The following KIAA0825 variants were observed in gnomAD, a reference collection of about 807,000 sequenced individuals.
KIAA0825 encodes the protein KIAA0825.
In KIAA0825, 119 loss-of-function variants were observed where a neutral mutation model predicts 147.6. That is an observed-to-expected ratio of 0.81 (90% CI 0.69 to 0.94). The LOEUF is 0.94. KIAA0825 is among the 40% of genes least tolerant of loss of function. KIAA0825 has a pLI of 0.00. For synonymous variants in KIAA0825, 470 were observed against 518.1 expected (o/e 0.91, Z 1.26); for missense variants, 1,381 against 1,472.7 (o/e 0.94, Z 1.02).
Position 94,299,749 on chromosome 5 carries a change from T to C in KIAA0825, c.3710+84619A>G, listed in dbSNP as rs551978781. Reference sequence around the variant, plus strand: ...TTTTGGGAGCTTAAGTAAAAAGAGATAATTAATTTTTGAAATATGTTAGAG... The same window carrying C: ...TTTTGGGAGCTTAAGTAAAAAGAGACAATTAATTTTTGAAATATGTTAGAG... On this transcript the variant is annotated intron_variant, in intron 20 of 20. Transcript: ENST00000682413. Among the ~76,000 whole-genome samples, 6 of 152,248 alleles carry C rather than the reference T, an allele frequency of 3.9e-5. No homozygotes were observed. In the East Asian group the frequency reaches 7.7e-4, roughly 20 times the overall value.
At chr5:94,309,321 G>T (rs559047992) in intron 20 of KIAA0825, among the ~76,000 whole-genome samples, 5 of 151,658 alleles carry the variant, frequency 3.3e-5, no homozygotes, top group Non-Finnish European at 7.4e-5. Flanking sequence ...TACAGAGGAG[G>T]TGCTGTGAGA....
chr5:94,527,736 G>A lies in KIAA0825; in HGVS notation c.132-3638C>T, dbSNP rs747489590. Among the ~76,000 whole-genome samples the A allele has an allele frequency of 2.0e-5, 3 of 151,854 alleles. No individual in the cohort carries two copies. The East Asian group carries it at 5.8e-4, about 29-fold the overall frequency. On this transcript the variant is annotated intron_variant, in intron 3 of 20. Coordinates refer to ENST00000682413, the MANE Select transcript of KIAA0825 (RefSeq NM_001145678.3). ...CTGTTACATTTCTGTTCATTTCCGT[G>A]CTTTTTGTGTTCGAAAGGACAAAGA...
At chr5:94,255,049 ATT>A (rs1052265982) in intron 20 of KIAA0825, among the ~76,000 whole-genome samples, 1 of 151,054 alleles carries the variant, frequency 6.6e-6, no homozygotes, top group Admixed American at 6.6e-5. Flanking sequence ...GTTATTAATC[ATT>A]TTTTTTGCAT....
In KIAA0825 at chr5:94,538,732, G is replaced by A. The variant is rs75390698; in HGVS notation, c.-1-1605C>T. Among the ~76,000 whole-genome samples the A allele has an allele frequency of 2.1e-3, 320 of 152,310 alleles. 1 individual carries two copies. Among genetic ancestry groups the A allele is most frequent in the African/African-American group, 7.2e-3 (300 of 41,570 alleles). On this transcript the variant is annotated intron_variant, in intron 2 of 20. Coordinates refer to ENST00000682413, the MANE Select transcript of KIAA0825 (RefSeq NM_001145678.3). ...GCAGCTAGCAAGGATTTTCTCTACC[G>A]TTAAGAGGTTGTTTTATCCAAAAGG...
intron 2 of KIAA0825, among the ~76,000 whole-genome samples, chr5:94,560,490 T>C (rs1325372037): frequency 1.3e-5 from 2 of 152,210 alleles, no homozygotes. Flanking sequence ...TGCTTTTCTA[T>C]GGCCTGATAG....
intron 5 of KIAA0825, among the ~76,000 whole-genome samples, chr5:94,489,584 A>C (rs915724839): frequency 2.0e-5 from 3 of 151,854 alleles, no homozygotes; most frequent in East Asian, 1.9e-4. Flanking sequence ...AAAAAAAAAA[A>C]AAACAAACTC....
chr5:94,424,099 T>C (rs1265378842), intron 14 of KIAA0825, among the ~76,000 whole-genome samples: 1 of 152,196 alleles, frequency 6.6e-6, no homozygotes, highest in East Asian at 1.9e-4. Flanking sequence ...CCCCAGTTTA[T>C]TGCCATTAGA....
At chr5:94,292,881 T>G (rs2150169077) in intron 20 of KIAA0825, among the ~76,000 whole-genome samples, 1 of 152,338 alleles carries the variant, frequency 6.6e-6, no homozygotes, top group South Asian at 2.1e-4. Context: ...TCTTCTAGAT[T>G]TTCTAGTTTA....
intron 20 of KIAA0825, among the ~76,000 whole-genome samples, chr5:94,192,201 T>C (rs1409481806): frequency 6.6e-6 from 1 of 152,246 alleles, no homozygotes; most frequent in African/African-American, 2.4e-5. Flanking sequence ...TCTTGTGTGT[T>C]TTCCAAAACT....
At chr5:94,410,622 CAG>C (rs958960292) in intron 15 of KIAA0825, among the ~76,000 whole-genome samples, 1 of 152,074 alleles carries the variant, frequency 6.6e-6, no homozygotes, top group East Asian at 1.9e-4. Context: ...TAAAAGGAAA[CAG>C]ATACTGTAAA....
chr5:94,333,548 G>A (rs1781493261), intron 20 of KIAA0825, among the ~76,000 whole-genome samples: 1 of 152,076 alleles, frequency 6.6e-6, no homozygotes, highest in East Asian at 1.9e-4. Context: ...GATGTGTGGT[G>A]TTATTTCTGA....
intron 5 of KIAA0825, among the ~76,000 whole-genome samples, chr5:94,506,164 A>T (rs1416494597): frequency 6.6e-6 from 1 of 152,226 alleles, no homozygotes; most frequent in Non-Finnish European, 1.5e-5. Flanking sequence ...TCAATTTTTT[A>T]AAATTAGCCA....
intron 20 of KIAA0825, among the ~76,000 whole-genome samples, chr5:94,284,266 G>C (rs1777575302): frequency 6.6e-6 from 1 of 151,910 alleles, no homozygotes; most frequent in African/African-American, 2.4e-5. Context: ...TTTATTAAAG[G>C]TGCCACTTTG....
At chr5:94,169,565 GA>G (rs57781961) in intron 20 of KIAA0825, among the ~76,000 whole-genome samples, 6,440 of 86,654 alleles carry the variant, frequency 0.074, 245 homozygotes, top group African/African-American at 0.17. Context: ...CTGGGTGACA[GA>G]AAAAAAAAAA....
At chr5:94,249,200 G>C (rs147256551) in intron 20 of KIAA0825, among the ~76,000 whole-genome samples, 36 of 152,200 alleles carry the variant, frequency 2.4e-4, no homozygotes, top group African/African-American at 8.4e-4. Flanking sequence ...TCTTCTGTAT[G>C]TGAGGATTTG....
chr5:94,298,031 G>A (rs889668642), intron 20 of KIAA0825, among the ~76,000 whole-genome samples: 1 of 149,638 alleles, frequency 6.7e-6, no homozygotes, highest in African/African-American at 2.5e-5. Flanking sequence ...CAGATCATGA[G>A]GTCAGGAGTT....
intron 20 of KIAA0825, among the ~76,000 whole-genome samples, chr5:94,285,367 A>G (rs368419210): frequency 6.6e-6 from 1 of 152,100 alleles, no homozygotes; most frequent in Non-Finnish European, 1.5e-5. Flanking sequence ...CTGGATTTTT[A>G]TATGTTCTTC....
rs1766517242 is a variant in KIAA0825 at position 94,151,742 on chromosome 5, T to C, written c.*2265A>G. ...CAGGAATATACGAATTCAATAATAA[T>C]AGCTTTAAAAGATGACGTTTAGATA... On this transcript the variant is annotated 3_prime_UTR_variant, in exon 21 of 21. Coordinates refer to ENST00000682413, the MANE Select transcript of KIAA0825 (RefSeq NM_001145678.3). 6.6e-6 allele frequency among the ~76,000 whole-genome samples: 1 copy of C among 152,188 alleles called. No individual in the cohort carries two copies. The highest frequency in any genetic ancestry group is 1.5e-5 in the Non-Finnish European group (1 of 68,012).
intron 3 of KIAA0825, among the ~76,000 whole-genome samples, chr5:94,528,244 G>A (rs986792752): frequency 2.6e-5 from 4 of 152,194 alleles, no homozygotes; most frequent in South Asian, 2.1e-4. Flanking sequence ...ATTGGTCATC[G>A]GGACTATATA....
Sources: gnomAD v4.1 joint callset for allele counts (sites outside exome capture counted in the v4.1 genomes callset) on GRCh38, gnomAD v4.1.1 for gene constraint, MANE v1.5 for transcripts, NCBI Gene and HGNC (gene_info 2026-07-23, HGNC 2026-07-21) for gene names.